CALD1: variants seen among roughly 807,000 people sequenced by gnomAD.
CALD1 encodes caldesmon.
A neutral mutation model predicts 99.9 loss-of-function variants in CALD1; 33 were observed. That is an observed-to-expected ratio of 0.33 (90% CI 0.25 to 0.44). The LOEUF (loss-of-function observed/expected upper bound fraction) is 0.44. CALD1 is among the 20% of genes least tolerant of loss of function. The pLI, the probability that CALD1 is intolerant of heterozygous loss-of-function variation, is 1.00. For synonymous variants in CALD1, 310 were observed against 325.0 expected, an observed-to-expected ratio of 0.95 and a Z score of 0.50; for missense variants, 861 against 962.1, an observed-to-expected ratio of 0.89 and a Z score of 1.39.
intron 1 of CALD1, among the ~76,000 whole-genome samples, chr7:134,756,285 A>AAC (rs1554421996): frequency 6.7e-6 from 1 of 150,260 alleles, no homozygotes; most frequent in African/African-American, 2.4e-5. Flanking sequence ...AAAAAAAAAA[A>AAC]AAAAAACTAA....
chr7:134,798,382 C>CAA (rs1425213994), intron 1 of CALD1, among the ~76,000 whole-genome samples: 3 of 152,226 alleles, frequency 2.0e-5, no homozygotes, highest in Admixed American at 6.5e-5. Context: ...TTGCTGCTGC[C>CAA]AATCTGACTA....
At chr7:134,890,228 G>A (rs1013811982) in intron 3 of CALD1, among the ~76,000 whole-genome samples, 5 of 152,124 alleles carry the variant, frequency 3.3e-5, no homozygotes, top group African/African-American at 4.8e-5. Flanking sequence ...TCTGATGACC[G>A]CATAGTATTT....
At chr7:134,756,471 C>G (rs1368520951) in intron 1 of CALD1, among the ~76,000 whole-genome samples, 2 of 151,768 alleles carry the variant, frequency 1.3e-5, no homozygotes, top group African/African-American at 4.8e-5. Flanking sequence ...TTATCATGAT[C>G]TATTAGTGAG....
At chr7:134,906,875 G>A (rs1436166448) in intron 3 of CALD1, among the ~76,000 whole-genome samples, 1 of 152,140 alleles carries the variant, frequency 6.6e-6, no homozygotes, top group Non-Finnish European at 1.5e-5. Context: ...AGGCTTCAGA[G>A]CTCCTTATTT....
chr7:134,876,380 A>C (rs1202592012), intron 3 of CALD1, among the ~76,000 whole-genome samples: 2 of 152,250 alleles, frequency 1.3e-5, no homozygotes, highest in African/African-American at 2.4e-5. Flanking sequence ...TATGTAAAAA[A>C]GTCTATGGCT....
Position 134,951,238 on chromosome 7 carries a change from A to G in CALD1, c.1935+724A>G, listed in dbSNP as rs146698808. Among the ~76,000 whole-genome samples the G allele has an allele frequency of 1.1e-3, 168 of 152,326 alleles. 1 individual carries two copies. The highest frequency in any genetic ancestry group is 3.8e-3 in the African/African-American group (160 of 41,576). On this transcript the variant is annotated intron_variant, in intron 9 of 14. Coordinates refer to ENST00000361675, the MANE Select transcript of CALD1 (RefSeq NM_033138.4). ...CTCAGTTTCAACATATAAATGTTGG[A>G]CCATAGCACCTCCTTTCAGCTGTTT...
chr7:134,836,358 T>C (rs961446952), intron 1 of CALD1, among the ~76,000 whole-genome samples: 5 of 151,992 alleles, frequency 3.3e-5, no homozygotes, highest in African/African-American at 1.2e-4. Context: ...TTAATATACA[T>C]AAAAATTAAG....
intron 13 of CALD1, among the ~76,000 whole-genome samples, chr7:134,963,297 C>T (rs1045947409): frequency 6.6e-6 from 1 of 152,130 alleles, no homozygotes; most frequent in African/African-American, 2.4e-5. Flanking sequence ...CTTAATGGCT[C>T]CAAGTTAAAT....
At chr7:134,811,318 C>T (rs1179446354) in intron 1 of CALD1, among the ~76,000 whole-genome samples, 1 of 152,188 alleles carries the variant, frequency 6.6e-6, no homozygotes, top group Non-Finnish European at 1.5e-5. Context: ...GGAGTCTTCA[C>T]TGGGGGCAGG....
intron 7 of CALD1, among the ~76,000 whole-genome samples, chr7:134,943,626 C>T (rs936694770): frequency 7.3e-5 from 11 of 151,206 alleles, no homozygotes; most frequent in African/African-American, 2.4e-4. Flanking sequence ...AGATTTTTTC[C>T]GATTATAGAA....
intron 3 of CALD1, among the ~76,000 whole-genome samples, chr7:134,869,094 T>C (rs910532643): frequency 1.3e-5 from 2 of 151,830 alleles, no homozygotes; most frequent in African/African-American, 2.4e-5. Context: ...TAAACAATCA[T>C]GCCAAGAGAA....
chr7:134,834,942 G>A (rs935353918), intron 1 of CALD1, among the ~76,000 whole-genome samples: 7 of 152,202 alleles, frequency 4.6e-5, no homozygotes, highest in African/African-American at 1.4e-4. Flanking sequence ...TGTGTTTGCC[G>A]ATGTCCACAG....
rs557781822 is a variant in CALD1 at position 134,808,226 on chromosome 7, G to A, written c.-130+28477G>A. 6.0e-5 allele frequency among the ~76,000 whole-genome samples: 9 copies of A among 151,126 alleles called. 1 individual carries two copies. In the East Asian group the frequency reaches 1.4e-3, roughly 23 times the overall value. On this transcript the variant is annotated intron_variant, in intron 1 of 14. Coordinates refer to ENST00000361675, the MANE Select transcript of CALD1 (RefSeq NM_033138.4). The stretch of plus-strand genomic sequence containing the variant: ...AGCAATCCTCCCACCTCAGCTTCCC[G>A]AGTAGCTGGGGCCTTGGGCATGTGC...
intron 1 of CALD1, among the ~76,000 whole-genome samples, chr7:134,744,862 A>C (rs933554678): frequency 1.3e-5 from 2 of 152,128 alleles, no homozygotes; most frequent in African/African-American, 2.4e-5. Context: ...TGGAGAAAAG[A>C]AGCAGCCCAC....
At chr7:134,889,874 TTACTC>T (rs954446649) in intron 3 of CALD1, among the ~76,000 whole-genome samples, 6 of 152,342 alleles carry the variant, frequency 3.9e-5, no homozygotes, top group African/African-American at 1.4e-4. Context: ...TAAACTGTAT[TTACTC>T]TATAAACTAT....
At chr7:134,734,151 A>G in the CALD1 span, among the ~76,000 whole-genome samples, 1 of 152,202 alleles carries the variant, frequency 6.6e-6, no homozygotes, top group African/African-American at 2.4e-5. Context: ...CACAGAGAAA[A>G]TAGACACACT....
At chr7:134,825,417 T>G (rs1798949357) in intron 1 of CALD1, among the ~76,000 whole-genome samples, 1 of 152,214 alleles carries the variant, frequency 6.6e-6, no homozygotes, top group African/African-American at 2.4e-5. Context: ...AAGCATTTAT[T>G]TTTATAAGTG....
At position 134,970,340 on chromosome 7, in the gene CALD1, G is replaced by A. The variant is rs1808960459; in HGVS notation, c.*1995G>A. 1 of 152,256 alleles carries A rather than the reference G, an allele frequency of 6.6e-6. No homozygotes were observed. Among genetic ancestry groups the A allele is most frequent in the South Asian group, 2.1e-4 (1 of 4,836 alleles). 9.4% of individuals were successfully genotyped at this position (152,256 alleles called of 1,614,324 possible). ...TACATATTTTTCTAGAAAATCTAAA[G>A]TTCAGAAGAGAATGTATCACTGCTG... is the stretch of plus-strand genomic sequence containing the variant. On this transcript the variant is annotated 3_prime_UTR_variant, in exon 15 of 15. Coordinates refer to ENST00000361675, the MANE Select transcript of CALD1 (RefSeq NM_033138.4).
intron 3 of CALD1, among the ~76,000 whole-genome samples, chr7:134,921,909 G>A (rs1388835815): frequency 6.6e-6 from 1 of 152,136 alleles, no homozygotes; most frequent in Non-Finnish European, 1.5e-5. Context: ...CTTGCATCGT[G>A]CAATAGGGGA....
Sources: gnomAD v4.1 joint callset for allele counts (sites outside exome capture counted in the v4.1 genomes callset) on GRCh38, gnomAD v4.1.1 for gene constraint, MANE v1.5 for transcripts, NCBI Gene and HGNC (gene_info 2026-07-23, HGNC 2026-07-21) for gene names.